Variants in KIAA0825 observed in about 807,000 individuals in gnomAD.
KIAA0825 encodes uncharacterized protein KIAA0825.
A neutral mutation model predicts 147.6 loss-of-function variants in KIAA0825; 119 were observed. That is an observed-to-expected ratio of 0.81 (90% CI 0.69 to 0.94). The LOEUF (loss-of-function observed/expected upper bound fraction) is 0.94, where lower values mean the gene tolerates loss of function less well. Ranked by LOEUF, KIAA0825 falls within the 40% of genes least tolerant of loss-of-function variation. The probability of loss-of-function intolerance (pLI) is 0.00; values close to 1 mark genes in which losing one functional copy is unlikely to be tolerated. For missense variants in KIAA0825, 1,381 were observed against 1,472.7 expected, an observed-to-expected ratio of 0.94 and a Z score of 1.02; for synonymous variants, 470 against 518.1, an observed-to-expected ratio of 0.91 and a Z score of 1.26.
intron 20 of KIAA0825, among the ~76,000 whole-genome samples, chr5:94,232,691 C>A (rs900360806): frequency 6.6e-6 from 1 of 152,136 alleles, no homozygotes; most frequent in Non-Finnish European, 1.5e-5. Context: ...TTTATCAACT[C>A]AGGATGTTTA....
chr5:94,333,389 G>A (rs1781478568), intron 20 of KIAA0825, among the ~76,000 whole-genome samples: 1 of 152,082 alleles, frequency 6.6e-6, no homozygotes, highest in African/African-American at 2.4e-5. Flanking sequence ...AATCCATCTT[G>A]AGTTAATTTT....
At chr5:94,309,671 A>C (rs2150198768) in intron 20 of KIAA0825, among the ~76,000 whole-genome samples, 1 of 151,816 alleles carries the variant, frequency 6.6e-6, no homozygotes, top group Non-Finnish European at 1.5e-5. Flanking sequence ...CAGTGGCAAC[A>C]TCTCAGAAAG....
At chr5:94,484,313 C>T (rs1762802826) in intron 6 of KIAA0825, among the ~76,000 whole-genome samples, 1 of 151,680 alleles carries the variant, frequency 6.6e-6, no homozygotes, top group African/African-American at 2.4e-5. Flanking sequence ...AAATCTGAAG[C>T]ATCTAATCCT....
chr5:94,436,042 T>C (rs1312393884), intron 14 of KIAA0825, among the ~76,000 whole-genome samples: 1 of 152,214 alleles, frequency 6.6e-6, no homozygotes, highest in East Asian at 1.9e-4. Flanking sequence ...GTCCAATGCA[T>C]AGTTTGCAAA....
intron 20 of KIAA0825, among the ~76,000 whole-genome samples, chr5:94,159,541 TATCA>T (rs1166848310): frequency 4.6e-5 from 7 of 152,200 alleles, no homozygotes; most frequent in African/African-American, 7.2e-5. Context: ...TTATCTTTTC[TATCA>T]ATCAATCAAT....
At chr5:94,260,882 A>C (rs1776457718) in intron 20 of KIAA0825, among the ~76,000 whole-genome samples, 1 of 152,186 alleles carries the variant, frequency 6.6e-6, no homozygotes, top group African/African-American at 2.4e-5. Context: ...AAAACACCAA[A>C]AATCTAAGCT....
At chr5:94,184,142 T>C (rs1461931750) in intron 20 of KIAA0825, among the ~76,000 whole-genome samples, 1 of 152,168 alleles carries the variant, frequency 6.6e-6, no homozygotes, top group Non-Finnish European at 1.5e-5. Flanking sequence ...GAGAACTGCA[T>C]GCTGTGGAGA....
At chr5:94,409,021 A>G (rs988755339) in intron 15 of KIAA0825, among the ~76,000 whole-genome samples, 2 of 152,214 alleles carry the variant, frequency 1.3e-5, no homozygotes, top group Admixed American at 1.3e-4. Flanking sequence ...CATGGTATGA[A>G]TATATTAGTG....
At chr5:94,317,340 AT>A (rs1779750114) in intron 20 of KIAA0825, among the ~76,000 whole-genome samples, 2 of 151,906 alleles carry the variant, frequency 1.3e-5, no homozygotes, top group Non-Finnish European at 2.9e-5. Context: ...TGTTTAAAAT[AT>A]TTTGAAAATA....
chr5:94,515,131 T>G (rs1446534836), intron 5 of KIAA0825, among the ~76,000 whole-genome samples: 1 of 152,218 alleles, frequency 6.6e-6, no homozygotes, highest in Non-Finnish European at 1.5e-5. Flanking sequence ...AGAGGATTTA[T>G]TTAACCAAAA....
At chr5:94,215,827 A>G (rs1773143126) in intron 20 of KIAA0825, among the ~76,000 whole-genome samples, 1 of 151,672 alleles carries the variant, frequency 6.6e-6, no homozygotes, top group African/African-American at 2.4e-5. Context: ...CTACAAACCC[A>G]TCCTTGGCCA....
chr5:94,407,544 A>G (rs1381656173), intron 15 of KIAA0825, among the ~76,000 whole-genome samples: 1 of 152,242 alleles, frequency 6.6e-6, no homozygotes, highest in African/African-American at 2.4e-5. Context: ...ATGCTACAAC[A>G]TGGATTAACC....
intron 1 of KIAA0825, among the ~76,000 whole-genome samples, chr5:94,591,291 C>T (rs1420268451): frequency 6.6e-6 from 1 of 152,162 alleles, no homozygotes; most frequent in Admixed American, 6.5e-5. Context: ...AGCTAAAAAA[C>T]ACAATCAATT....
At chr5:94,393,208 G>C (rs1483194218) in intron 17 of KIAA0825, among the ~76,000 whole-genome samples, 3 of 152,196 alleles carry the variant, frequency 2.0e-5, no homozygotes, top group Non-Finnish European at 4.4e-5. Context: ...AATGTGCCCT[G>C]AAAGAGGCAG....
At position 94,475,043 on chromosome 5, in the gene KIAA0825, G is replaced by T. The variant is rs530105922; in HGVS notation, c.1228-1524C>A. Among the ~76,000 whole-genome samples, 7 of 151,356 alleles carry T rather than the reference G, an allele frequency of 4.6e-5. No homozygotes were observed. The South Asian group carries it at 1.0e-3, about 23-fold the overall frequency. ...GGCGGAGGTTGCAGTGAGCCGAGAT[G>T]GCACCACTGCACTCCAGCCTGGGCA... is the stretch of plus-strand genomic sequence containing the variant. On this transcript the variant is annotated intron_variant, in intron 7 of 20. Coordinates refer to ENST00000682413, the MANE Select transcript of KIAA0825 (RefSeq NM_001145678.3).
chr5:94,264,333 T>C (rs1445278399), intron 20 of KIAA0825, among the ~76,000 whole-genome samples: 1 of 152,186 alleles, frequency 6.6e-6, no homozygotes, highest in East Asian at 1.9e-4. Context: ...AAACAATAAG[T>C]TCTTCGATTC....
chr5:94,316,761 A>C (rs1336343241), intron 20 of KIAA0825, among the ~76,000 whole-genome samples: 1 of 151,804 alleles, frequency 6.6e-6, no homozygotes, highest in Non-Finnish European at 1.5e-5. Flanking sequence ...GATTAAATGC[A>C]ATTTTTAAAA....
chr5:94,223,145 G>A (rs1252618279), intron 20 of KIAA0825, among the ~76,000 whole-genome samples: 1 of 152,060 alleles, frequency 6.6e-6, no homozygotes, highest in Non-Finnish European at 1.5e-5. Context: ...TCCAAACAAT[G>A]CTTTACCTTT....
In KIAA0825 at chr5:94,520,478, G is replaced by A. The variant is rs971523641; in HGVS notation, c.740C>T (p.Thr247Ile). 1.2e-6 allele frequency: 2 copies of A among 1,612,554 alleles called. No individual in the cohort carries two copies. The highest frequency in any genetic ancestry group is 2.7e-5 in the African/African-American group (2 of 74,852). Reference protein sequence around the residue: ...LDVIAHGYQSTMLKLYSVIKE... With the variant: ...LDVIAHGYQSIMLKLYSVIKE... ...TATTACTGAGTATAACTTAAGCATTGTACTTTGATATCCATGAGCTATTAC... is the reference window on the plus strand; with the variant it reads ...TATTACTGAGTATAACTTAAGCATTATACTTTGATATCCATGAGCTATTAC... Residue 247 changes from threonine to isoleucine, a missense_variant, in exon 5 of 21, where the codon ACA becomes ATA. By Grantham distance (89) the Thr-to-Ile change is moderately conservative. Coordinates refer to ENST00000682413, the MANE Select transcript of KIAA0825 (RefSeq NM_001145678.3).
Sources: allele counts gnomAD v4.1 joint callset (sites outside exome capture counted in the v4.1 genomes callset), GRCh38; gene constraint gnomAD v4.1.1; transcripts MANE v1.5; gene names NCBI Gene and HGNC (gene_info 2026-07-23, HGNC 2026-07-21).